The following PKP1 variants were observed in gnomAD, a reference collection of about 807,000 sequenced individuals.
The protein encoded by PKP1 is plakophilin 1, also known as plakophilin-1.
Under a neutral mutation model 76.4 loss-of-function variants are expected in PKP1, and 27 were observed. That is an observed-to-expected ratio of 0.35 (90% confidence interval 0.26 to 0.49). PKP1 has a LOEUF of 0.49. PKP1 is among the 20% of genes least tolerant of loss of function. The pLI, the probability that PKP1 is intolerant of heterozygous loss-of-function variation, is 0.99. For synonymous variants in PKP1, 404 were observed against 384.2 expected, an observed-to-expected ratio of 1.05 and a Z score of -0.60; for missense variants, 964 against 955.2, an observed-to-expected ratio of 1.01 and a Z score of -0.12.
intron 12 of PKP1, among the ~76,000 whole-genome samples, chr1:201,326,499 T>C (rs1378909840): frequency 6.6e-6 from 1 of 152,222 alleles, no homozygotes; most frequent in Non-Finnish European, 1.5e-5. Flanking sequence ...GTGATAAGCA[T>C]GGACATAAAG....
In PKP1 at chr1:201,325,979, C is replaced by T. The variant is rs16848334; in HGVS notation, c.2106+141C>T. ...GTCTGAGAGACAAAGACAGCGTCTA[C>T]GTGAAAATGAATGTGATGAACGTTC... On this transcript the variant is annotated intron_variant, in intron 12 of 13. Transcript: ENST00000367324. 77,896 of 684,188 alleles carry T rather than the reference C, an allele frequency of 0.11. 5,942 individuals are homozygous for T. Among genetic ancestry groups the T allele is most frequent in the African/African-American group, 0.29 (16,071 of 56,210 alleles). 42.4% of individuals were successfully genotyped at this position (684,188 alleles called of 1,614,324 possible).
At chr1:201,298,722 A>G (rs1296264293) in intron 2 of PKP1, among the ~76,000 whole-genome samples, 1 of 152,076 alleles carries the variant, frequency 6.6e-6, no homozygotes, top group African/African-American at 2.4e-5. Flanking sequence ...CATTGACCCC[A>G]TTTCTCCTCT....
intron 2 of PKP1, among the ~76,000 whole-genome samples, chr1:201,310,945 C>G (rs986395445): frequency 5.3e-5 from 8 of 152,210 alleles, no homozygotes; most frequent in African/African-American, 1.9e-4. Flanking sequence ...GCTCCTTTTC[C>G]CAGCACAGGA....
chr1:201,328,930 C>G (rs992637243), intron 13 of PKP1, 62 bp downstream of exon 13: 2 of 1,019,832 alleles, frequency 2.0e-6, no homozygotes, highest in African/African-American at 1.6e-5. Flanking sequence ...CAGCCAGTCT[C>G]AGAGACAAGG....
intron 12 of PKP1, 129 bp downstream of exon 12, chr1:201,325,967 A>G (rs1206410224): frequency 1.4e-6 from 1 of 707,264 alleles, no homozygotes; most frequent in Non-Finnish European, 2.6e-6. Context: ...TGAGAGACAA[A>G]GACAGCGTCT....
chr1:201,320,987 A>T (rs796074199), intron 7 of PKP1, among the ~76,000 whole-genome samples: 15 of 152,310 alleles, frequency 9.8e-5, no homozygotes, highest in African/African-American at 3.6e-4. Context: ...AAAGAAAAAA[A>T]GTTGTGGAGG....
In PKP1 at chr1:201,283,733, G is replaced by T. The variant is rs986378706; in HGVS notation, c.31G>T (p.Ala11Ser). MNHSPLKTAL[A>S]YECFQDQDNS... ...CCACTCGCCGCTCAAGACCGCCTTG[G>T]CGTACGAATGCTTCCAGGACCAGGA... Residue 11 changes from alanine to serine, a missense_variant, in exon 1 of 14, where the codon GCG (alanine) becomes TCG (serine). Transcript: ENST00000367324. 7 of 1,614,098 alleles carry T rather than the reference G, an allele frequency of 4.3e-6. No homozygotes were observed. The highest frequency in any genetic ancestry group is 1.7e-5 in the Admixed American group (1 of 60,026).
intron 6 of PKP1, 89 bp from the exon 7 acceptor site, chr1:201,320,178 C>A: frequency 1.2e-6 from 1 of 824,270 alleles, no homozygotes; most frequent in South Asian, 1.4e-5. Flanking sequence ...CTCTCTCCTG[C>A]CTGTCCCCCA....
At chr1:201,300,664 T>C (rs1656202211) in intron 2 of PKP1, among the ~76,000 whole-genome samples, 1 of 152,226 alleles carries the variant, frequency 6.6e-6, no homozygotes, top group Admixed American at 6.5e-5. Context: ...TCAGACCACC[T>C]CCTTGTAACT....
intron 1 of PKP1, among the ~76,000 whole-genome samples, chr1:201,292,429 C>T (rs1655945230): frequency 6.6e-6 from 1 of 152,192 alleles, no homozygotes; most frequent in African/African-American, 2.4e-5. Flanking sequence ...TCTGCCACAG[C>T]TTGAGACCCC....
intron 2 of PKP1, among the ~76,000 whole-genome samples, chr1:201,306,408 G>T (rs181958739): frequency 1.3e-4 from 20 of 152,360 alleles, no homozygotes; most frequent in Admixed American, 1.1e-3. Context: ...AGAGCCTGGA[G>T]CCCAAGAGGC....
At chr1:201,307,073 C>T (rs1029399148) in intron 2 of PKP1, among the ~76,000 whole-genome samples, 3 of 152,236 alleles carry the variant, frequency 2.0e-5, no homozygotes, top group Non-Finnish European at 2.9e-5. Flanking sequence ...GGACACTTAG[C>T]GACTTCAGTT....
rs1366961064 is a variant in PKP1 at position 201,331,765 on chromosome 1, GT to G, written c.*1725del. The G allele has an allele frequency of 7.2e-5, 11 of 152,266 alleles. No individual in the cohort carries two copies. The highest frequency in any genetic ancestry group is 2.7e-4 in the African/African-American group (11 of 41,430). The allele number at this position is 152,266 out of a possible 1,614,324, so 9.4% of individuals were successfully genotyped here. ...GTGAGGACGCTGTCCTCCGAGAGGTGTCCCCGGCTGTTAGCCAGCTGTGCTG... is the reference window on the plus strand; with the variant it reads ...GTGAGGACGCTGTCCTCCGAGAGGTGCCCCGGCTGTTAGCCAGCTGTGCTG... On this transcript the variant is annotated 3_prime_UTR_variant, in exon 14 of 14. Transcript: ENST00000367324.
chr1:201,302,751 C>T (rs950599274), intron 2 of PKP1, among the ~76,000 whole-genome samples: 12 of 152,336 alleles, frequency 7.9e-5, no homozygotes, highest in African/African-American at 2.9e-4. Context: ...CCCGGAGCCC[C>T]TCCCCTCCCG....
chr1:201,304,438 G>A (rs1240344298), intron 2 of PKP1, among the ~76,000 whole-genome samples: 1 of 152,214 alleles, frequency 6.6e-6, no homozygotes. Context: ...TCCTGGCCAG[G>A]ACAGAACAGT....
At chr1:201,292,725 G>C (rs112673948) in intron 1 of PKP1, among the ~76,000 whole-genome samples, 1 of 152,194 alleles carries the variant, frequency 6.6e-6, no homozygotes, top group Non-Finnish European at 1.5e-5. Flanking sequence ...TTTCCGATGG[G>C]GGAGTCTGAC....
chr1:201,313,634 T>C, intron 3 of PKP1, 74 bp downstream of exon 3: 1 of 1,463,254 alleles, frequency 6.8e-7, no homozygotes, highest in Non-Finnish European at 9.3e-7. Context: ...GACTGCACCC[T>C]GCAAAGGGCT....
rs1417869143 is a variant in PKP1, at chr1:201,332,933, T to C, written c.*2892T>C. 1 of 152,274 alleles carries C rather than the reference T, an allele frequency of 6.6e-6. No homozygotes were observed. The highest frequency in any genetic ancestry group is 1.5e-5 in the Non-Finnish European group (1 of 68,052). The allele number at this position is 152,274 out of a possible 1,614,324, so 9.4% of individuals were successfully genotyped here. On this transcript the variant is annotated 3_prime_UTR_variant, in exon 14 of 14. Transcript: ENST00000367324. ...CCAGTTTCCTTGTGTGATACACTAA[T>C]GTATTTGCTTTTTTTGGAAATAGAG...
At chr1:201,308,917 G>T (rs1407463267) in intron 2 of PKP1, among the ~76,000 whole-genome samples, 1 of 152,158 alleles carries the variant, frequency 6.6e-6, no homozygotes, top group Non-Finnish European at 1.5e-5. Flanking sequence ...GTAAGCTGAT[G>T]GGACCCGGAG....
Sources: gnomAD v4.1 joint callset for allele counts (sites outside exome capture counted in the v4.1 genomes callset) on GRCh38, gnomAD v4.1.1 for gene constraint, MANE v1.5 for transcripts, NCBI Gene and HGNC (gene_info 2026-07-23, HGNC 2026-07-21) for gene names.